The following ARMC3 variants were observed in gnomAD, a reference collection of about 807,000 sequenced individuals.
ARMC3 encodes armadillo repeat-containing protein 3.
Under a neutral mutation model 90.3 loss-of-function variants are expected in ARMC3, and 74 were observed. The ratio of observed to expected loss-of-function variants is 0.82; its 90% CI spans 0.68 to 0.99. The LOEUF (loss-of-function observed/expected upper bound fraction) is 0.99. ARMC3 is among the 50% of genes least tolerant of loss of function. ARMC3 has a pLI of 0.00. For synonymous variants in ARMC3, 334 were observed against 361.8 expected (o/e 0.92, Z 0.87); for missense variants, 958 against 1,042.8 (o/e 0.92, Z 1.12).
intron 16 of ARMC3, among the ~76,000 whole-genome samples, chr10:23,017,859 G>A (rs369266696): frequency 6.6e-6 from 1 of 152,204 alleles, no homozygotes; most frequent in East Asian, 1.9e-4. Flanking sequence ...TGACACATTT[G>A]TTGTTTTAAG....
intron 16 of ARMC3, among the ~76,000 whole-genome samples, chr10:23,021,700 T>G (rs1008353608): frequency 2.0e-5 from 3 of 152,238 alleles, no homozygotes; most frequent in Non-Finnish European, 4.4e-5. Flanking sequence ...GTTTAAGTTC[T>G]GTATATATTC....
chr10:22,945,526 T>G (rs992449690), intron 2 of ARMC3, among the ~76,000 whole-genome samples: 8 of 152,224 alleles, frequency 5.3e-5, no homozygotes, highest in African/African-American at 1.9e-4. Context: ...TTTCCCCTGT[T>G]CCAGGTTTTA....
At position 22,981,579 on chromosome 10, in the gene ARMC3, C is replaced by T. The variant is rs776749770; in HGVS notation, c.1070-16C>T. The T allele has an allele frequency of 4.3e-6, 7 of 1,613,732 alleles. No individual in the cohort carries two copies. ...GGCATTTTAAAAGTCACATTTTTAC[C>T]TTTCTCTTTCTGTAGGGATTCCACA... On this transcript the variant is annotated splice_polypyrimidine_tract_variant and intron_variant, in intron 9 of 18. Transcript: ENST00000298032.
rs1376054627 is a variant in ARMC3, at chr10:22,981,430, C to T, written c.1007C>T (p.Ala336Val). ...GAAAATGATGGAACTAAAATTGCTGCTTCCCAAGCTATTTCAGCAATGTGT... is the reference window on the plus strand; with the variant it reads ...GAAAATGATGGAACTAAAATTGCTGTTTCCCAAGCTATTTCAGCAATGTGT... ...GSENDGTKIA[A>V]SQAISAMCEN... Residue 336 changes from alanine (A) to valine (V), a missense_variant, in exon 9 of 19, where the codon GCT becomes GTT. By Grantham distance (64) the Ala-to-Val change is moderately conservative. Coordinates refer to ENST00000298032, the MANE Select transcript of ARMC3 (RefSeq NM_173081.5). 1.2e-6 allele frequency: 2 copies of T among 1,614,114 alleles called. No individual in the cohort carries two copies. The highest frequency in any genetic ancestry group is 1.7e-5 in the Admixed American group (1 of 60,024).
chr10:22,968,545 G>C, intron 8 of ARMC3, 56 bp downstream of exon 8: 2 of 1,446,228 alleles, frequency 1.4e-6, no homozygotes, highest in South Asian at 1.4e-5. Flanking sequence ...TGTTTCTCAG[G>C]CTGGAGTGCT....
intron 8 of ARMC3, among the ~76,000 whole-genome samples, chr10:22,969,360 C>A (rs1485119050): frequency 6.6e-6 from 1 of 151,910 alleles, no homozygotes; most frequent in East Asian, 1.9e-4. Flanking sequence ...CTTATTTTTC[C>A]CCTTCTGCAC....
intron 16 of ARMC3, among the ~76,000 whole-genome samples, chr10:23,015,575 C>T (rs1208154434): frequency 6.6e-6 from 1 of 152,166 alleles, no homozygotes; most frequent in Non-Finnish European, 1.5e-5. Context: ...GTTTTTCTGT[C>T]TCCTTTTTCA....
Position 23,037,402 on chromosome 10 carries a change from G to T in ARMC3, c.2542G>T (p.Val848Leu). The T allele has an allele frequency of 6.2e-7, 1 of 1,614,082 alleles. No homozygotes were observed. The highest frequency in any genetic ancestry group is 1.6e-4 in the Middle Eastern group (1 of 6,062). Residue 848 changes from valine to leucine, a missense_variant, in exon 19 of 19, where the codon GTG (valine) becomes TTG (leucine). Physicochemically the swap from Val to Leu is conservative, Grantham distance 32. Transcript: ENST00000298032. ...IGGLPAPEMY[V>L]IDLMFHPGGL... is the part of the protein sequence containing the mutation. ...GGGCCTCCCCGCTCCTGAGATGTAC[G>T]TGATTGACCTCATGTTCCATCCAGG...
At chr10:22,957,306 G>A (rs1319219571) in intron 4 of ARMC3, among the ~76,000 whole-genome samples, 2 of 152,162 alleles carry the variant, frequency 1.3e-5, no homozygotes, top group Non-Finnish European at 2.9e-5. Context: ...GTTGGGGAGA[G>A]ACGTGGAAGG....
Position 22,946,278 on chromosome 10 carries a change from G to A in ARMC3, c.166+17G>A. On this transcript the variant is annotated intron_variant, in intron 3 of 18. Coordinates refer to ENST00000298032, the MANE Select transcript of ARMC3 (RefSeq NM_173081.5). ...CTTTAAAAGGTTTGGATTTTTTTCA[G>A]TTTATCTTTCTGTTTCATTAATTTC... 6.6e-7 allele frequency: 1 copy of A among 1,509,958 alleles called. No individual in the cohort carries two copies. 93.5% of individuals were successfully genotyped at this position (1,509,958 alleles called of 1,614,324 possible).
chr10:23,027,674 T>C (rs1216128160), intron 16 of ARMC3, among the ~76,000 whole-genome samples: 7 of 150,860 alleles, frequency 4.6e-5, no homozygotes, highest in Non-Finnish European at 1.0e-4. Context: ...CTGTGTAGAT[T>C]TATGTTTTCA....
intron 8 of ARMC3, among the ~76,000 whole-genome samples, chr10:22,973,976 T>C (rs1835804181): frequency 6.6e-6 from 1 of 152,004 alleles, no homozygotes; most frequent in Non-Finnish European, 1.5e-5. Context: ...GCCAGGATGG[T>C]CTTGATCTCC....
At chr10:22,972,230 G>A (rs921246164) in intron 8 of ARMC3, among the ~76,000 whole-genome samples, 2 of 152,166 alleles carry the variant, frequency 1.3e-5, no homozygotes, top group Non-Finnish European at 2.9e-5. Context: ...TATGCTGTTT[G>A]CTGTTGGTGT....
chr10:22,935,754 C>T (rs1834083818), intron 2 of ARMC3, among the ~76,000 whole-genome samples: 1 of 152,106 alleles, frequency 6.6e-6, no homozygotes, highest in Non-Finnish European at 1.5e-5. Flanking sequence ...CACCTTACTC[C>T]AAAAGTTTGC....
chr10:22,985,831 T>G (rs147569093), intron 10 of ARMC3, among the ~76,000 whole-genome samples: 1 of 152,194 alleles, frequency 6.6e-6, no homozygotes, highest in African/African-American at 2.4e-5. Context: ...TATTTTGCCT[T>G]AGGTCATTGT....
rs1162632210 is a variant in ARMC3 at position 23,037,886 on chromosome 10, G to C, written c.*407G>C. ...AGGCATGCTCAGTTAAGCAAACTAA[G>C]TGAATTTTTAGTATTTGCAATCACC... On this transcript the variant is annotated 3_prime_UTR_variant, in exon 19 of 19. Transcript: ENST00000298032. 6.4e-6 allele frequency: 1 copy of C among 156,186 alleles called. No individual in the cohort carries two copies. The highest frequency in any genetic ancestry group is 2.4e-5 in the African/African-American group (1 of 41,582). 9.7% of individuals were successfully genotyped at this position (156,186 alleles called of 1,614,324 possible).
intron 1 of ARMC3, among the ~76,000 whole-genome samples, chr10:22,931,129 G>A (rs1232904349): frequency 6.6e-6 from 1 of 152,054 alleles, no homozygotes; most frequent in East Asian, 1.9e-4. Context: ...GGATTTCACT[G>A]TGTTGGCCAG....
chr10:22,984,878 T>A (rs917954706), intron 10 of ARMC3, among the ~76,000 whole-genome samples: 5 of 150,824 alleles, frequency 3.3e-5, no homozygotes, highest in Admixed American at 3.3e-4. Context: ...TTCTCAACCT[T>A]CTGTTTTTTT....
chr10:22,983,093 C>T (rs1173180737), intron 10 of ARMC3, among the ~76,000 whole-genome samples: 1 of 152,080 alleles, frequency 6.6e-6, no homozygotes, highest in Admixed American at 6.5e-5. Context: ...TTGAAAATAG[C>T]ATATTCAGTG....
Sources: allele counts gnomAD v4.1 joint callset (sites outside exome capture counted in the v4.1 genomes callset), GRCh38; gene constraint gnomAD v4.1.1; transcripts MANE v1.5; gene names NCBI Gene and HGNC (gene_info 2026-07-23, HGNC 2026-07-21).